EPC1: variants seen among roughly 807,000 people sequenced by gnomAD.
EPC1 encodes the protein enhancer of polycomb 1, also known as enhancer of polycomb homolog 1.
In EPC1, 12 loss-of-function variants were observed where a neutral mutation model predicts 98.4. The ratio of observed to expected loss-of-function variants is 0.12; its 90% CI spans 0.08 to 0.20. EPC1 has a LOEUF of 0.20. EPC1 is among the 10% of genes least tolerant of loss of function. The probability of loss-of-function intolerance (pLI) is 1.00; values close to 1 mark genes in which losing one functional copy is unlikely to be tolerated. For missense variants in EPC1, 729 were observed against 990.5 expected (o/e 0.74, Z 3.54); for synonymous variants, 357 against 363.9 (o/e 0.98, Z 0.21).
chr10:32,280,420 C>T (rs1321790643), intron 10 of EPC1, among the ~76,000 whole-genome samples: 1 of 152,022 alleles, frequency 6.6e-6, no homozygotes, highest in Non-Finnish European at 1.5e-5. Context: ...CATGGCACTC[C>T]AGCCTGGGAG....
chr10:32,348,079 T>A (rs775094669), upstream of EPC1, among the ~76,000 whole-genome samples: 8 of 152,230 alleles, frequency 5.3e-5, no homozygotes, highest in Non-Finnish European at 1.2e-4. Flanking sequence ...AGACTGCGGC[T>A]TCATCATAGC....
rs191686873 is a variant in EPC1, at chr10:32,307,340, A to G, written c.154-1409T>C. Among the ~76,000 whole-genome samples, 490 of 152,342 alleles carry G rather than the reference A, an allele frequency of 3.2e-3. 2 individuals carry two copies. The highest frequency in any genetic ancestry group is 0.011 in the African/African-American group (454 of 41,582). Reference sequence around the variant, plus strand: ...CATCTGTAGGACAACTACAAATGGAAGTGCTCAAAGGGTATATCTAAGGTT... The same window carrying G: ...CATCTGTAGGACAACTACAAATGGAGGTGCTCAAAGGGTATATCTAAGGTT... On this transcript the variant is annotated intron_variant, in intron 1 of 13. Coordinates refer to ENST00000319778, the MANE Select transcript of EPC1 (RefSeq NM_001272004.3).
chr10:32,341,331 C>CTGTTGTGTG lies in EPC1; in HGVS notation c.153+5431_153+5432insCACACAACA, dbSNP rs1554824002. Among the ~76,000 whole-genome samples the CTGTTGTGTG allele has an allele frequency of 2.0e-5, 3 of 151,180 alleles. No individual in the cohort carries two copies. In the East Asian group the frequency reaches 5.9e-4, roughly 30 times the overall value. On this transcript the variant is annotated intron_variant, in intron 1 of 13. Transcript: ENST00000319778. ...TGGACACATGTCTGTGTGTGTGTGT[C>CTGTTGTGTG]TGTGTGTGTGTATAGATTCTATGTT...
At chr10:32,303,196 G>A (rs559562822) in intron 2 of EPC1, among the ~76,000 whole-genome samples, 12 of 152,060 alleles carry the variant, frequency 7.9e-5, no homozygotes, top group South Asian at 2.1e-4. Context: ...CCAACTACTC[G>A]GGAGGCTGAG....
intron 10 of EPC1, among the ~76,000 whole-genome samples, chr10:32,276,546 AGATTAAATTAGGT>A (rs1836108174): frequency 1.3e-5 from 2 of 152,222 alleles, no homozygotes; most frequent in Non-Finnish European, 2.9e-5. Flanking sequence ...AATGAGAATG[AGATTAAATTAGGT>A]GATCATTAAG....
chr10:32,358,613 C>T, intron 1 of EPC1, among the ~76,000 whole-genome samples: 1 of 146,410 alleles, frequency 6.8e-6, no homozygotes, highest in South Asian at 2.2e-4. Context: ...TCACTGCACT[C>T]CAGCCTGGGG....
intron 6 of EPC1, among the ~76,000 whole-genome samples, chr10:32,288,092 A>T (rs1836789399): frequency 6.6e-6 from 1 of 152,160 alleles, no homozygotes; most frequent in South Asian, 2.1e-4. Context: ...TACGCTAAAT[A>T]TTCATGTTAC....
upstream of EPC1, among the ~76,000 whole-genome samples, chr10:32,350,026 A>G (rs891733373): frequency 6.6e-6 from 1 of 152,198 alleles, no homozygotes; most frequent in African/African-American, 2.4e-5. Flanking sequence ...AAAAATGGTT[A>G]ATCCTGTACT....
At chr10:32,305,690 G>A (rs762776525) in intron 2 of EPC1, 82 bp downstream of exon 2, 82 of 1,160,306 alleles carry the variant, frequency 7.1e-5, no homozygotes, top group Non-Finnish European at 9.0e-5. Flanking sequence ...TAACAAAAAC[G>A]CTCCTGAAGA....
chr10:32,286,382 G>A (rs1231481987), intron 9 of EPC1: 3 of 348,458 alleles, frequency 8.6e-6, no homozygotes, highest in Non-Finnish European at 1.0e-5. Context: ...AATACACTGT[G>A]TGCAATCAGG....
At chr10:32,377,762 A>G (rs1839898841) in intron 1 of EPC1, among the ~76,000 whole-genome samples, 1 of 152,138 alleles carries the variant, frequency 6.6e-6, no homozygotes. Flanking sequence ...CAGCGCCACC[A>G]ACACAGATCA....
chr10:32,327,112 C>T (rs1269675849), intron 1 of EPC1, among the ~76,000 whole-genome samples: 2 of 147,334 alleles, frequency 1.4e-5, no homozygotes, highest in Non-Finnish European at 3.0e-5. Flanking sequence ...TAATATTCAG[C>T]TACAAAAAAG....
intron 1 of EPC1, among the ~76,000 whole-genome samples, chr10:32,311,739 G>C (rs73245697): frequency 6.6e-6 from 1 of 151,916 alleles, no homozygotes; most frequent in Admixed American, 6.6e-5. Context: ...CTTAATTTAC[G>C]AATTAGGCAC....
At chr10:32,320,058 A>G (rs1040262806) in intron 1 of EPC1, among the ~76,000 whole-genome samples, 14 of 152,208 alleles carry the variant, frequency 9.2e-5, no homozygotes, top group African/African-American at 3.4e-4. Flanking sequence ...ATGTGTGTAC[A>G]TATGAGAAAG....
At chr10:32,369,495 TG>T (rs1444235706) in intron 1 of EPC1, among the ~76,000 whole-genome samples, 1 of 152,202 alleles carries the variant, frequency 6.6e-6, no homozygotes, top group Non-Finnish European at 1.5e-5. Context: ...CCAAAACCAC[TG>T]TTCGTCAAAA....
chr10:32,295,898 G>T (rs1042382486), intron 2 of EPC1, among the ~76,000 whole-genome samples: 1 of 151,266 alleles, frequency 6.6e-6, no homozygotes, highest in Admixed American at 6.6e-5. Context: ...AATTGATAGG[G>T]ACCAACTAGC....
At chr10:32,291,056 C>CACTTACA (rs1836999392) in intron 6 of EPC1, 107 bp downstream of exon 6, 1 of 1,024,958 alleles carries the variant, frequency 9.8e-7, no homozygotes, top group Non-Finnish European at 1.4e-6. Flanking sequence ...GGATTACAGG[C>CACTTACA]GTGAGCCACT....
At chr10:32,270,932 T>G (rs75494095) in intron 13 of EPC1, among the ~76,000 whole-genome samples, 4,894 of 148,878 alleles carry the variant, frequency 0.033, 271 homozygotes, top group African/African-American at 0.11. Flanking sequence ...AAAAAAGTCA[T>G]AAAAGAAACG....
rs140036759 is a variant in EPC1, at chr10:32,371,325, G to A, written c.3+7166C>T. ...GAGCTAAATATAGGTCATTGGCATG[G>A]CAGCTTCCCTTTCTCAGTCTCATGG... is the stretch of plus-strand genomic sequence containing the variant. On this transcript the variant is annotated intron_variant, in intron 1 of 13. Transcript: ENST00000375110. 3.0e-3 allele frequency among the ~76,000 whole-genome samples: 464 copies of A among 152,192 alleles called. 2 individuals carry two copies. Among genetic ancestry groups the A allele is most frequent in the African/African-American group, 0.011 (438 of 41,510 alleles).
Sources: gnomAD v4.1 joint callset for allele counts (sites outside exome capture counted in the v4.1 genomes callset) on GRCh38, gnomAD v4.1.1 for gene constraint, MANE v1.5 for transcripts, NCBI Gene and HGNC (gene_info 2026-07-23, HGNC 2026-07-21) for gene names.